Variants in ZCCHC2 observed in about 807,000 individuals in gnomAD.
ZCCHC2 encodes the protein zinc finger CCHC-type containing 2, also known as zinc finger CCHC domain-containing protein 2.
In ZCCHC2, 39 loss-of-function variants were observed where a neutral mutation model predicts 103.6. The observed-to-expected ratio is 0.38, with a 90% CI of 0.29 to 0.49. ZCCHC2 has a LOEUF of 0.49. Ranked by LOEUF, ZCCHC2 falls within the 20% of genes least tolerant of loss-of-function variation. The pLI, the probability that ZCCHC2 is intolerant of heterozygous loss-of-function variation, is 0.96. For missense variants in ZCCHC2, 1,483 were observed against 1,491.0 expected, an observed-to-expected ratio of 0.99 and a Z score of 0.09; for synonymous variants, 687 against 608.9, an observed-to-expected ratio of 1.13 and a Z score of -1.89.
At chr18:62,559,471 A>T (rs55696318) in intron 7 of ZCCHC2, among the ~76,000 whole-genome samples, 34,067 of 152,178 alleles carry the variant, frequency 0.22, 4,067 homozygotes, top group South Asian at 0.31. Flanking sequence ...TTGACAAAAC[A>T]TTTTGGAGTC....
In ZCCHC2 at chr18:62,539,779, A is replaced by G. The variant is rs755070727; in HGVS notation, c.1038A>G (p.Arg346=). Residue 346 remains arginine, a synonymous_variant, in exon 2 of 14, where the codon AGA becomes AGG. Transcript: ENST00000269499. ...ACGGACTTACCGTGGCACCTCACAG[A>G]GCTCAGCGAGAAGGTATGCTCTCTT... is the stretch of plus-strand genomic sequence containing the variant. ...PQDGLTVAPH[R]AQREAVHIEK... is the part of the protein sequence containing the mutation. The G allele has an allele frequency of 1.1e-5, 18 of 1,606,838 alleles. No homozygotes were observed. The highest frequency in any genetic ancestry group is 1.4e-5 in the Non-Finnish European group (17 of 1,176,534).
At chr18:62,529,354 G>T (rs895072946) in intron 1 of ZCCHC2, among the ~76,000 whole-genome samples, 1 of 152,154 alleles carries the variant, frequency 6.6e-6, no homozygotes, top group South Asian at 2.1e-4. Flanking sequence ...TTAGGGTTCA[G>T]TGAAGGAGTC....
At chr18:62,528,750 C>T (rs564494939) in intron 1 of ZCCHC2, among the ~76,000 whole-genome samples, 114 of 152,302 alleles carry the variant, frequency 7.5e-4, no homozygotes, top group African/African-American at 2.6e-3. Context: ...GATGCTACTT[C>T]AAGATAACTT....
Position 62,523,519 on chromosome 18 carries a change from A to T in ZCCHC2, c.95A>T (p.Lys32Met). Residue 32 changes from lysine to methionine, a missense_variant, in exon 1 of 14, where the codon AAG (lysine) becomes ATG (methionine). By Grantham distance (95) the Lys-to-Met change is moderately conservative (BLOSUM62 -1). Around this residue, in one of 3 missense-constraint regions of ZCCHC2, gnomAD observed 568 missense variants for 525.1 expected, o/e 1.08. Transcript: ENST00000269499. ...GAGGCGGACGCGCGGCCGGGCGCGA[A>T]GGCGCCTTCGCGCCGCCGCCGCGAC... ...EPEADARPGA[K>M]APSRRRRDCR... The T allele has an allele frequency of 2.3e-6, 2 of 874,706 alleles. No homozygotes were observed. Among genetic ancestry groups the T allele is most frequent in the Non-Finnish European group, 2.7e-6 (2 of 740,884 alleles). 54.2% of individuals were successfully genotyped at this position (874,706 alleles called of 1,614,324 possible).
rs112540896 is a variant in ZCCHC2 at position 62,523,670 on chromosome 18, G to A, written c.246G>A (p.Pro82=). 1.5e-6 allele frequency: 2 copies of A among 1,360,238 alleles called. No homozygotes were observed. The highest frequency in any genetic ancestry group is 1.9e-6 in the Non-Finnish European group (2 of 1,060,342). 84.3% of individuals were successfully genotyped at this position (1,360,238 alleles called of 1,614,324 possible). A position where few individuals can be genotyped will look rare whatever the true frequency, so the allele number is the denominator to read the frequency against. Reference sequence around the variant, plus strand: ...GAGCGGCGGCGGGGGCGGGTATGCCGGGCGGCGGCGGGGGGCCCTCGGCGG... The same window carrying A: ...GAGCGGCGGCGGGGGCGGGTATGCCAGGCGGCGGCGGGGGGCCCTCGGCGG... ...AGGAAAGAGM[P]GGGGGPSAAL... The change falls in exon 1 of 14, where the codon CCG becomes CCA. Residue 82 remains proline (P), a synonymous_variant. Coordinates refer to ENST00000269499, the MANE Select transcript of ZCCHC2 (RefSeq NM_017742.6).
chr18:62,583,438 A>G (rs925012344), downstream of ZCCHC2, among the ~76,000 whole-genome samples: 2 of 152,176 alleles, frequency 1.3e-5, no homozygotes, highest in African/African-American at 4.8e-5. Flanking sequence ...AATTTTTCTG[A>G]AAAGGTTCCA....
intron 12 of ZCCHC2, 65 bp downstream of exon 12, chr18:62,570,296 G>A (rs879744189): frequency 1.2e-5 from 19 of 1,562,696 alleles, no homozygotes; most frequent in Non-Finnish European, 1.6e-5. Context: ...GGAAATGTGT[G>A]TTGTTTCTTC....
chr18:62,552,065 G>A (rs1915687927), intron 5 of ZCCHC2: 1 of 152,148 alleles, frequency 6.6e-6, no homozygotes, highest in East Asian at 1.9e-4. Context: ...CAGAAATCTG[G>A]GAGGGGGAGA....
chr18:62,565,416 G>A (rs1484177772), intron 11 of ZCCHC2, among the ~76,000 whole-genome samples: 1 of 152,156 alleles, frequency 6.6e-6, no homozygotes, highest in South Asian at 2.1e-4. Flanking sequence ...GGCCATGGGA[G>A]ATCTCTCCTG....
chr18:62,564,195 T>TGCA (rs1242187174), intron 9 of ZCCHC2, among the ~76,000 whole-genome samples: 2 of 152,238 alleles, frequency 1.3e-5, no homozygotes, highest in Non-Finnish European at 2.9e-5. Flanking sequence ...CTCCAGTGCC[T>TGCA]GCACCCTCTC....
intron 14 of ZCCHC2, chr18:62,584,436 C>T (rs545381523): frequency 6.6e-6 from 1 of 152,210 alleles, no homozygotes; most frequent in East Asian, 1.9e-4. Context: ...TTTTCTTTTT[C>T]CTCTTGCAGT....
chr18:62,549,829 G>A lies in ZCCHC2; in HGVS notation c.1201-519G>A, dbSNP rs148981892. On this transcript the variant is annotated intron_variant, in intron 4 of 13. Transcript: ENST00000269499. ...AAGTAATATTGAGGGTTTCTCACCC[G>A]TCTCTCATATTCAGTTCTTTATTTG... is the stretch of plus-strand genomic sequence containing the variant. 4.7e-3 allele frequency among the ~76,000 whole-genome samples: 711 copies of A among 152,286 alleles called. 5 individuals are homozygous for A. Among genetic ancestry groups the A allele is most frequent in the Non-Finnish European group, 6.8e-3 (464 of 68,034 alleles).
intron 5 of ZCCHC2, 138 bp downstream of exon 5, chr18:62,550,598 T>C (rs1915623625): frequency 1.6e-6 from 1 of 638,386 alleles, no homozygotes. Flanking sequence ...ATCCTTGTGC[T>C]ATTTAGGTCT....
intron 1 of ZCCHC2, among the ~76,000 whole-genome samples, chr18:62,532,312 CCATCA>C (rs1364762434): frequency 6.6e-6 from 1 of 152,186 alleles, no homozygotes; most frequent in Non-Finnish European, 1.5e-5. Flanking sequence ...TCGTCTTCTC[CCATCA>C]CATCCTGAAT....
intron 1 of ZCCHC2, chr18:62,526,993 T>A (rs1914446051): frequency 7.8e-6 from 1 of 128,842 alleles, no homozygotes; most frequent in Non-Finnish European, 1.6e-5. Flanking sequence ...TAAAGGGAAA[T>A]TCGTGTGGCA....
exon 15 of ZCCHC2, chr18:62,585,606 G>T (rs1471812161): frequency 1.3e-5 from 2 of 152,132 alleles, no homozygotes; most frequent in African/African-American, 4.8e-5. Context: ...AAAATCAGTT[G>T]TACAAGAGAA....
exon 15 of ZCCHC2, chr18:62,584,591 T>C (rs751577623): frequency 6.6e-6 from 1 of 152,184 alleles, no homozygotes; most frequent in Non-Finnish European, 1.5e-5. Context: ...TAGAGAACAT[T>C]AAACGTAAGA....
At chr18:62,527,053 T>A (rs1255397049) in intron 1 of ZCCHC2, 2 of 115,532 alleles carry the variant, frequency 1.7e-5, no homozygotes, top group Non-Finnish European at 1.7e-5. Flanking sequence ...TAGACACAAG[T>A]ATGCAATTTT....
At chr18:62,575,850 CT>C (rs889991390) in intron 13 of ZCCHC2, among the ~76,000 whole-genome samples, 69 of 146,314 alleles carry the variant, frequency 4.7e-4, no homozygotes, top group Admixed American at 6.1e-4. Context: ...GCTTGCAGCA[CT>C]TTTTTTTTTT....
Sources: gnomAD v4.1 joint callset for allele counts (sites outside exome capture counted in the v4.1 genomes callset) on GRCh38, gnomAD v4.1.1 for gene constraint, gnomAD v4.1.1 regional missense constraint, MANE v1.5 for transcripts, NCBI Gene and HGNC (gene_info 2026-07-23, HGNC 2026-07-21) for gene names.